Variants in GRAMD1B observed in about 807,000 individuals in gnomAD.
The protein encoded by GRAMD1B is protein Aster-B.
Under a neutral mutation model 99.7 loss-of-function variants are expected in GRAMD1B, and 37 were observed. The ratio of observed to expected loss-of-function variants is 0.37; its 90% CI spans 0.29 to 0.49. GRAMD1B has a LOEUF of 0.49. Among genes scored for constraint, GRAMD1B ranks in the 20% least tolerant of loss-of-function variants. The probability of loss-of-function intolerance (pLI) is 0.98; values close to 1 mark genes in which losing one functional copy is unlikely to be tolerated. For missense variants in GRAMD1B, 888 were observed against 1,009.2 expected (o/e 0.88, Z 1.63); for synonymous variants, 427 against 387.6 (o/e 1.10, Z -1.19).
chr11:123,612,969 G>A, intron 15 of GRAMD1B, 105 bp downstream of exon 15: 1 of 677,304 alleles, frequency 1.5e-6, no homozygotes, highest in Non-Finnish European at 2.6e-6. Context: ...GGCAGAGACT[G>A]AAAGGTGAAG....
chr11:123,417,829 C>T (rs759641438), intron 1 of GRAMD1B, among the ~76,000 whole-genome samples: 11 of 152,100 alleles, frequency 7.2e-5, no homozygotes, highest in Non-Finnish European at 1.5e-4. Context: ...TCCAGCTACT[C>T]GGGAGGCTGA....
intron 1 of GRAMD1B, among the ~76,000 whole-genome samples, chr11:123,390,192 A>C (rs1947225247): frequency 6.6e-6 from 1 of 151,930 alleles, no homozygotes; most frequent in Non-Finnish European, 1.5e-5. Flanking sequence ...CTCAAAAGTC[A>C]CCTGGTCAAA....
At chr11:123,497,483 G>A (rs1334031858) in intron 2 of GRAMD1B, among the ~76,000 whole-genome samples, 3 of 152,192 alleles carry the variant, frequency 2.0e-5, no homozygotes. Flanking sequence ...AAGCCAGCCA[G>A]GTTTATGGCC....
chr11:123,595,285 ATT>A (rs11408764), intron 6 of GRAMD1B, among the ~76,000 whole-genome samples: 1 of 146,574 alleles, frequency 6.8e-6, no homozygotes, highest in South Asian at 2.2e-4. Context: ...TAACTAGATG[ATT>A]TTTTTTTTTT....
Position 123,559,792 on chromosome 11 carries a change from C to T in GRAMD1B, c.453-17575C>T, listed in dbSNP as rs144305476. ...TCTGGGAGCAGCTACACTGAAGAGG[C>T]CCTCGGCCATCTTTTCTTGCGGATT... On this transcript the variant is annotated intron_variant, in intron 2 of 19. Coordinates refer to ENST00000635736, the MANE Select transcript of GRAMD1B (RefSeq NM_001387025.1). The T allele has an allele frequency of 4.8e-5, 25 of 521,714 alleles. No individual in the cohort carries two copies. In the East Asian group the frequency reaches 2.8e-3, roughly 59 times the overall value. 32.3% of individuals were successfully genotyped at this position (521,714 alleles called of 1,614,324 possible). A position where few individuals can be genotyped will look rare whatever the true frequency, so the allele number is the denominator to read the frequency against.
intron 1 of GRAMD1B, among the ~76,000 whole-genome samples, chr11:123,383,789 A>AATATATATATATAT (rs113677613): frequency 4.1e-5 from 6 of 147,044 alleles, no homozygotes; most frequent in African/African-American, 1.5e-4. Flanking sequence ...TCCCTTCATG[A>AATATATATATATAT]ATATATATAT....
intron 2 of GRAMD1B, among the ~76,000 whole-genome samples, chr11:123,515,123 A>G (rs560792982): frequency 6.6e-6 from 1 of 152,294 alleles, no homozygotes; most frequent in East Asian, 1.9e-4. Flanking sequence ...TAAATGGGAG[A>G]TGGAGGAGTC....
intron 19 of GRAMD1B, chr11:123,619,514 C>T (rs1009313369): frequency 7.4e-6 from 9 of 1,212,968 alleles, no homozygotes; most frequent in African/African-American, 1.6e-5. Context: ...TTTTTGGTAA[C>T]CCATAACCAT....
intron 1 of GRAMD1B, among the ~76,000 whole-genome samples, chr11:123,445,190 T>C (rs558969453): frequency 6.6e-6 from 1 of 152,314 alleles, no homozygotes; most frequent in South Asian, 2.1e-4. Flanking sequence ...TTCTCCAAAG[T>C]GGGAAGAGTG....
intron 1 of GRAMD1B, among the ~76,000 whole-genome samples, chr11:123,479,097 C>T (rs1301979806): frequency 1.1e-4 from 17 of 152,240 alleles, no homozygotes; most frequent in Middle Eastern, 3.4e-3. Context: ...GCATAGTGAA[C>T]GAGCTGTAAA....
chr11:123,416,862 A>G (rs1246033628), intron 1 of GRAMD1B, among the ~76,000 whole-genome samples: 3 of 152,238 alleles, frequency 2.0e-5, no homozygotes, highest in East Asian at 1.9e-4. Context: ...ATCTTCCACA[A>G]TAAGCCCTTG....
chr11:123,491,620 G>A (rs1423014746), intron 2 of GRAMD1B: 2 of 348,628 alleles, frequency 5.7e-6, no homozygotes, highest in Non-Finnish European at 1.0e-5. Context: ...TGTGGCTTGG[G>A]CAGGAGGCAG....
Position 123,492,258 on chromosome 11 carries a change from G to A in GRAMD1B, c.452+11365G>A, listed in dbSNP as rs962412835. Among the ~76,000 whole-genome samples, 6 of 152,116 alleles carry A rather than the reference G, an allele frequency of 3.9e-5. No homozygotes were observed. The highest frequency in any genetic ancestry group is 7.4e-5 in the Non-Finnish European group (5 of 68,016). On this transcript the variant is annotated intron_variant, in intron 2 of 19. Transcript: ENST00000635736. The surrounding 1 kb of genome is among the most constrained non-coding windows in gnomAD (Gnocchi z 4.2). Reference sequence around the variant, plus strand: ...AGTCCATAAAGAACTTGGAAATCCTGAGAAAGGTGCGGTAGGGAACAGTGT... The same window carrying A: ...AGTCCATAAAGAACTTGGAAATCCTAAGAAAGGTGCGGTAGGGAACAGTGT...
At chr11:123,442,379 G>A (rs908583447) in intron 1 of GRAMD1B, among the ~76,000 whole-genome samples, 3 of 152,226 alleles carry the variant, frequency 2.0e-5, no homozygotes, top group South Asian at 4.1e-4. Context: ...TACCAGAAAG[G>A]GGTCCCATTC....
chr11:123,507,160 A>G (rs1940516699), intron 2 of GRAMD1B, among the ~76,000 whole-genome samples: 1 of 152,182 alleles, frequency 6.6e-6, no homozygotes, highest in Admixed American at 6.5e-5. Context: ...ATGTGTTTGT[A>G]CATTTGACTA....
At chr11:123,524,350 T>TTTTTTTTA (rs1942488123) in intron 2 of GRAMD1B, among the ~76,000 whole-genome samples, 1 of 151,094 alleles carries the variant, frequency 6.6e-6, no homozygotes, top group East Asian at 1.9e-4. Context: ...TTTATTTTAT[T>TTTTTTTTA]TTTTGTTTGA....
At chr11:123,525,758 A>G in intron 2 of GRAMD1B, 1 of 273,848 alleles carries the variant, frequency 3.7e-6, no homozygotes, top group South Asian at 4.4e-5. Context: ...AGCTGGTATG[A>G]GGTGAGGGTG....
intron 2 of GRAMD1B, among the ~76,000 whole-genome samples, chr11:123,573,819 T>C (rs879047584): frequency 6.6e-6 from 1 of 152,104 alleles, no homozygotes; most frequent in African/African-American, 2.4e-5. Flanking sequence ...TTGGGAGCCA[T>C]CTTGATATTC....
chr11:123,406,343 G>A (rs765711434), intron 1 of GRAMD1B, among the ~76,000 whole-genome samples: 2 of 151,246 alleles, frequency 1.3e-5, no homozygotes, highest in African/African-American at 2.4e-5. Context: ...AACCTCCACC[G>A]ACTGGGTTCA....
Sources: gnomAD v4.1 joint callset for allele counts (sites outside exome capture counted in the v4.1 genomes callset) on GRCh38, gnomAD v4.1.1 for gene constraint, Gnocchi (gnomAD v3.1) non-coding constraint, MANE v1.5 for transcripts, NCBI Gene and HGNC (gene_info 2026-07-23, HGNC 2026-07-21) for gene names.